BRI3: variants seen among roughly 807,000 people sequenced by gnomAD.
BRI3 encodes the protein brain protein I3.
Under a neutral mutation model 12.8 loss-of-function variants are expected in BRI3, and 6 were observed. The observed-to-expected ratio is 0.47, with a 90% CI of 0.26 to 0.93. BRI3 has a LOEUF of 0.93. Ranked by LOEUF, BRI3 falls within the 40% of genes least tolerant of loss-of-function variation. The probability of loss-of-function intolerance (pLI) is 0.15; values close to 1 mark genes in which losing one functional copy is unlikely to be tolerated. For synonymous variants in BRI3, 91 were observed against 76.1 expected (o/e 1.20, Z -1.02); for missense variants, 134 against 171.1 (o/e 0.78, Z 1.21).
exon 2 of BRI3, chr7:98,310,209 T>C: frequency 4.2e-6 from 2 of 472,598 alleles, no homozygotes; most frequent in Non-Finnish European, 7.3e-6. Flanking sequence ...TAAACATCAG[T>C]CAGTGCGTAG....
At chr7:98,317,171 G>A in the BRI3 span, 6 of 1,612,568 alleles carry the variant, frequency 3.7e-6, no homozygotes, top group Non-Finnish European at 4.2e-6. Flanking sequence ...CTTAAACTGT[G>A]CAAATTGTCA....
chr7:98,295,353 CACT>C (rs1800147850), downstream of BRI3, among the ~76,000 whole-genome samples: 1 of 152,190 alleles, frequency 6.6e-6, no homozygotes, highest in Non-Finnish European at 1.5e-5. Flanking sequence ...TGCTTTTCAT[CACT>C]GGAGCACAAA....
chr7:98,294,139 A>T (rs768361429), downstream of BRI3: 15 of 1,611,626 alleles, frequency 9.3e-6, no homozygotes, highest in Non-Finnish European at 1.3e-5. Flanking sequence ...AAGTTTATGG[A>T]GGGCTTAGAA....
In BRI3 at chr7:98,288,610, G is replaced by T. The variant is rs1449584102; in HGVS notation, c.246-2501G>T. On this transcript the variant is annotated intron_variant, in intron 2 of 2. Coordinates refer to ENST00000297290, the MANE Select transcript of BRI3 (RefSeq NM_015379.5). The stretch of plus-strand genomic sequence containing the variant: ...CAGCTCAGCCCCTCCACACAGACAG[G>T]TGGCGTTGTGTGAGTTTGGGAAACA... Among the ~76,000 whole-genome samples the T allele has an allele frequency of 2.0e-5, 3 of 151,966 alleles. 1 individual carries two copies. In the South Asian group the frequency reaches 6.2e-4, roughly 32 times the overall value.
At chr7:98,315,537 C>T in the BRI3 span, 1 of 1,520,452 alleles carries the variant, frequency 6.6e-7, no homozygotes, top group Non-Finnish European at 8.9e-7. Context: ...CTCTTCTCTT[C>T]AAGCAGAGCC....
chr7:98,288,237 C>G (rs1302303302), intron 2 of BRI3, among the ~76,000 whole-genome samples: 1 of 152,204 alleles, frequency 6.6e-6, no homozygotes, highest in African/African-American at 2.4e-5. Flanking sequence ...CTCCAGCTCC[C>G]CCGGAACCTG....
At chr7:98,318,661 T>C in the BRI3 span, among the ~76,000 whole-genome samples, 1 of 151,616 alleles carries the variant, frequency 6.6e-6, no homozygotes, top group Non-Finnish European at 1.5e-5. Flanking sequence ...AAGAAGGATG[T>C]CTGGCCGGCA....
exon 1 of BRI3, chr7:98,306,638 G>T: frequency 4.2e-6 from 6 of 1,416,930 alleles, no homozygotes; most frequent in Admixed American, 2.2e-5. Context: ...CCCATGTGTG[G>T]AGGAAATGAA....
downstream of BRI3, among the ~76,000 whole-genome samples, chr7:98,294,986 T>A (rs1237044685): frequency 6.6e-6 from 1 of 151,558 alleles, no homozygotes; most frequent in African/African-American, 2.4e-5. Flanking sequence ...GGGAGTGGAG[T>A]CAGGCAGCCG....
At chr7:98,298,569 T>C (rs1800287159) in intron 1 of BRI3, among the ~76,000 whole-genome samples, 1 of 151,728 alleles carries the variant, frequency 6.6e-6, no homozygotes, top group African/African-American at 2.4e-5. Flanking sequence ...GCCGAGATGG[T>C]GCCACTGCAC....
intron 1 of BRI3, among the ~76,000 whole-genome samples, chr7:98,300,091 T>C (rs1289421499): frequency 6.6e-6 from 1 of 152,220 alleles, no homozygotes; most frequent in African/African-American, 2.4e-5. Context: ...AGTTCCTTCG[T>C]TGCACCATCC....
intron 2 of BRI3, among the ~76,000 whole-genome samples, chr7:98,285,936 C>T (rs1799697871): frequency 6.6e-6 from 1 of 152,208 alleles, no homozygotes; most frequent in Non-Finnish European, 1.5e-5. Flanking sequence ...CTGGCGAGGC[C>T]TGGCCTTCCA....
At chr7:98,322,699 G>C in the BRI3 span, among the ~76,000 whole-genome samples, 2 of 151,874 alleles carry the variant, frequency 1.3e-5, no homozygotes, top group Admixed American at 6.6e-5. Context: ...GTGGGCTTTC[G>C]AGGAGGTCCT....
chr7:98,319,739 TG>T, the BRI3 span, among the ~76,000 whole-genome samples: 1 of 152,070 alleles, frequency 6.6e-6, no homozygotes. Flanking sequence ...TGAGTAGAGA[TG>T]GGGTTTCACT....
upstream of BRI3, among the ~76,000 whole-genome samples, chr7:98,304,909 A>G (rs1216432195): frequency 6.9e-6 from 1 of 145,906 alleles, no homozygotes; most frequent in Admixed American, 7.0e-5. Context: ...CTTATTGTCC[A>G]GGGTGGAGTG....
rs555907843 is a variant in BRI3 at position 98,283,421 on chromosome 7, G to T, written c.245+968G>T. Among the ~76,000 whole-genome samples the T allele has an allele frequency of 9.2e-5, 14 of 152,240 alleles. No individual in the cohort carries two copies. In the South Asian group the frequency reaches 2.9e-3, roughly 32 times the overall value. On this transcript the variant is annotated intron_variant, in intron 2 of 2. Coordinates refer to ENST00000297290, the MANE Select transcript of BRI3 (RefSeq NM_015379.5). ...GGGACAAGAGGCTGGGACCTCGGGG[G>T]CAGGTTGTGGCTGCTTGCCTGCACA...
chr7:98,315,776 T>C, the BRI3 span, among the ~76,000 whole-genome samples: 1 of 152,218 alleles, frequency 6.6e-6, no homozygotes, highest in South Asian at 2.1e-4. Context: ...CCTAAGTAGA[T>C]ACCATCGTTC....
chr7:98,308,405 G>C (rs1483118523), exon 2 of BRI3: 1 of 404,400 alleles, frequency 2.5e-6, no homozygotes. Flanking sequence ...AGGTGAGGAT[G>C]AGTTCCATTT....
intron 1 of BRI3, among the ~76,000 whole-genome samples, chr7:98,298,130 G>T (rs1800266212): frequency 6.6e-6 from 1 of 152,178 alleles, no homozygotes; most frequent in Non-Finnish European, 1.5e-5. Flanking sequence ...GTCCTGGCAA[G>T]TCTCCCCTGC....
Sources: allele counts gnomAD v4.1 joint callset (sites outside exome capture counted in the v4.1 genomes callset), GRCh38; gene constraint gnomAD v4.1.1; transcripts MANE v1.5; gene names NCBI Gene and HGNC (gene_info 2026-07-23, HGNC 2026-07-21).